SGCZ: variants seen among roughly 807,000 people sequenced by gnomAD.
SGCZ encodes zeta-sarcoglycan.
A neutral mutation model predicts 41.3 loss-of-function variants in SGCZ; 40 were observed. The observed-to-expected ratio is 0.97, with a 90% confidence interval of 0.75 to 1.26. The LOEUF (loss-of-function observed/expected upper bound fraction) is 1.26. Ranked by LOEUF, SGCZ falls within the 50% of genes most tolerant of loss-of-function variation. SGCZ has a pLI of 0.00. For missense variants in SGCZ, 552 were observed against 369.8 expected (o/e 1.49, Z -4.04); for synonymous variants, 206 against 137.5 (o/e 1.50, Z -3.49).
chr8:15,154,267 G>A (rs1799263194), intron 1 of SGCZ, among the ~76,000 whole-genome samples: 1 of 152,164 alleles, frequency 6.6e-6, no homozygotes, highest in Non-Finnish European at 1.5e-5. Flanking sequence ...AAACAACAAG[G>A]ATATATTTCT....
chr8:15,120,618 T>G, intron 1 of SGCZ, among the ~76,000 whole-genome samples: 1 of 152,216 alleles, frequency 6.6e-6, no homozygotes, highest in Non-Finnish European at 1.5e-5. Flanking sequence ...TTGTGTTTTG[T>G]GATGTAATAG....
Position 14,784,913 on chromosome 8 carries a change from A to AAAAAT in SGCZ, c.40-229988_40-229987insATTTT, listed in dbSNP as rs1408574493. ...GTGAAACTCTGCCTCAAAAAAAAAA[A>AAAAAT]ATATATATATATATATATATAAAAT... On this transcript the variant is annotated intron_variant, in intron 1 of 7. Transcript: ENST00000382080. Among the ~76,000 whole-genome samples, 484 of 87,986 alleles carry AAAAAT rather than the reference A, an allele frequency of 5.5e-3. 11 individuals are homozygous for AAAAAT. Among genetic ancestry groups the AAAAAT allele is most frequent in the African/African-American group, 0.017 (373 of 21,322 alleles). 57.7% of individuals were successfully genotyped at this position (87,986 alleles called of 152,430 possible).
Position 14,457,816 on chromosome 8 carries a change from C to T in SGCZ, c.234+96916G>A, listed in dbSNP as rs144895642. 8.5e-5 allele frequency among the ~76,000 whole-genome samples: 13 copies of T among 152,286 alleles called. No homozygotes were observed. In the East Asian group the frequency reaches 2.5e-3, roughly 30 times the overall value. The stretch of plus-strand genomic sequence containing the variant: ...GAGGTGACTCACATTTTTTACCCTG[C>T]CCCTTCTGCCTTGTATCCAATAAAT... On this transcript the variant is annotated intron_variant, in intron 2 of 7. Transcript: ENST00000382080.
intron 1 of SGCZ, among the ~76,000 whole-genome samples, chr8:14,811,141 T>A (rs1368724557): frequency 2.0e-5 from 3 of 152,026 alleles, no homozygotes; most frequent in African/African-American, 4.8e-5. Context: ...TAAACTGCAA[T>A]CCAATCTTAA....
chr8:14,374,149 A>G (rs930652249), intron 2 of SGCZ, among the ~76,000 whole-genome samples: 3 of 152,180 alleles, frequency 2.0e-5, no homozygotes, highest in Admixed American at 6.5e-5. Flanking sequence ...AGGCCGAGGC[A>G]GGCCAATCAC....
chr8:14,113,802 C>A (rs1193464463), intron 5 of SGCZ, among the ~76,000 whole-genome samples: 1 of 151,956 alleles, frequency 6.6e-6, no homozygotes, highest in African/African-American at 2.4e-5. Context: ...AGAAGTCAAG[C>A]CCAGATTTCT....
intron 1 of SGCZ, among the ~76,000 whole-genome samples, chr8:14,799,948 G>T (rs368159618): frequency 6.6e-6 from 1 of 152,000 alleles, no homozygotes; most frequent in African/African-American, 2.4e-5. Flanking sequence ...TATAAACAGA[G>T]GTATTTTTGT....
At chr8:14,984,286 TG>T (rs1318865783) in intron 1 of SGCZ, among the ~76,000 whole-genome samples, 4 of 152,184 alleles carry the variant, frequency 2.6e-5, no homozygotes, top group Non-Finnish European at 4.4e-5. Context: ...GGCAATATGA[TG>T]AAACATAACA....
chr8:14,437,034 T>G (rs1249711100), intron 2 of SGCZ, among the ~76,000 whole-genome samples: 1 of 152,194 alleles, frequency 6.6e-6, no homozygotes, highest in Non-Finnish European at 1.5e-5. Context: ...CGGGTTAGAC[T>G]CCCAGAATTA....
At chr8:14,280,289 T>A (rs974008760) in intron 3 of SGCZ, among the ~76,000 whole-genome samples, 4 of 151,848 alleles carry the variant, frequency 2.6e-5, no homozygotes, top group Non-Finnish European at 5.9e-5. Flanking sequence ...CTATCTCACA[T>A]GTTCAAATAC....
chr8:14,775,111 T>C (rs1800360904), intron 1 of SGCZ, among the ~76,000 whole-genome samples: 1 of 152,194 alleles, frequency 6.6e-6, no homozygotes, highest in South Asian at 2.1e-4. Context: ...AAAAGGGTGA[T>C]GGATCTTGGC....
intron 1 of SGCZ, among the ~76,000 whole-genome samples, chr8:15,175,281 CA>C (rs1234607677): frequency 6.6e-6 from 1 of 151,854 alleles, no homozygotes; most frequent in Non-Finnish European, 1.5e-5. Flanking sequence ...GGAATCAACC[CA>C]AAAGCCCATC....
At chr8:14,208,646 T>C (rs2117089018) in intron 4 of SGCZ, among the ~76,000 whole-genome samples, 1 of 152,244 alleles carries the variant, frequency 6.6e-6, no homozygotes, top group South Asian at 2.1e-4. Context: ...AAGATGGTTA[T>C]TACCATTATG....
chr8:14,293,570 A>C (rs12674914), intron 3 of SGCZ, among the ~76,000 whole-genome samples: 28,658 of 151,768 alleles, frequency 0.19, 2,973 homozygotes, highest in East Asian at 0.34. Context: ...TAGGTAGTGT[A>C]ATGGGTGGCT....
At chr8:14,314,314 C>G (rs1236395699) in intron 3 of SGCZ, among the ~76,000 whole-genome samples, 8 of 152,038 alleles carry the variant, frequency 5.3e-5, no homozygotes, top group Admixed American at 3.9e-4. Context: ...TAACGTAGTC[C>G]AAAGAGCTGA....
chr8:15,063,996 T>G (rs147160051), intron 1 of SGCZ, among the ~76,000 whole-genome samples: 485 of 152,306 alleles, frequency 3.2e-3, no homozygotes, highest in African/African-American at 0.011. Flanking sequence ...ATTCTGGTAT[T>G]GTATAATAAG....
chr8:14,092,703 C>T (rs1357218234), intron 7 of SGCZ, among the ~76,000 whole-genome samples: 1 of 151,988 alleles, frequency 6.6e-6, no homozygotes, highest in African/African-American at 2.4e-5. Flanking sequence ...TGCCTGCCAC[C>T]ACATAAGATG....
intron 2 of SGCZ, among the ~76,000 whole-genome samples, chr8:14,394,209 G>A (rs1309100148): frequency 7.0e-6 from 1 of 143,362 alleles, no homozygotes; most frequent in Admixed American, 7.5e-5. Context: ...GGAGTGCAGT[G>A]GCATGATCTC....
At chr8:14,812,114 G>C (rs1801755027) in intron 1 of SGCZ, among the ~76,000 whole-genome samples, 1 of 151,770 alleles carries the variant, frequency 6.6e-6, no homozygotes, top group South Asian at 2.1e-4. Flanking sequence ...AAATTTTGAA[G>C]CAATTTATAC....
Sources: gnomAD v4.1 joint callset for allele counts (sites outside exome capture counted in the v4.1 genomes callset) on GRCh38, gnomAD v4.1.1 for gene constraint, MANE v1.5 for transcripts, NCBI Gene and HGNC (gene_info 2026-07-23, HGNC 2026-07-21) for gene names.